PDGFD: variants seen among roughly 807,000 people sequenced by gnomAD.
PDGFD encodes the protein platelet-derived growth factor D.
PDGFD carries 30 observed loss-of-function variants against 44.7 expected under a neutral mutation model. The observed-to-expected ratio is 0.67, with a 90% confidence interval of 0.50 to 0.91. PDGFD has a LOEUF of 0.91. Among genes scored for constraint, PDGFD ranks in the 40% least tolerant of loss-of-function variants. The pLI is 0.00. For synonymous variants in PDGFD, 173 were observed against 168.4 expected (o/e 1.03, Z -0.21); for missense variants, 445 against 457.8 (o/e 0.97, Z 0.25).
intron 3 of PDGFD, among the ~76,000 whole-genome samples, chr11:103,994,857 C>T (rs1009048230): frequency 5.3e-5 from 8 of 150,352 alleles, no homozygotes; most frequent in Non-Finnish European, 7.4e-5. Context: ...TCTTGTTATG[C>T]ATCATTCTCA....
intron 1 of PDGFD, among the ~76,000 whole-genome samples, chr11:104,027,960 G>A (rs180942283): frequency 2.7e-4 from 41 of 151,796 alleles, no homozygotes; most frequent in Non-Finnish European, 5.0e-4. Context: ...GGAGAACGAG[G>A]CAGGAGGATC....
Position 103,991,939 on chromosome 11 carries a change from C to T in PDGFD, c.510+4126G>A, listed in dbSNP as rs60119343. Among the ~76,000 whole-genome samples, 628 of 152,164 alleles carry T rather than the reference C, an allele frequency of 4.1e-3. 6 individuals carry two copies. Among genetic ancestry groups the T allele is most frequent in the African/African-American group, 0.015 (603 of 41,502 alleles). On this transcript the variant is annotated intron_variant, in intron 3 of 6. Coordinates refer to ENST00000393158, the MANE Select transcript of PDGFD (RefSeq NM_025208.5). ...GTTCAGTTCTCTGTACACCATCTAC[C>T]GGGGGGAGCCTTGTAATTGAATACC...
intron 5 of PDGFD, among the ~76,000 whole-genome samples, chr11:103,931,911 T>G (rs1858405790): frequency 6.6e-6 from 1 of 152,190 alleles, no homozygotes; most frequent in Non-Finnish European, 1.5e-5. Flanking sequence ...TACCACATGG[T>G]GATGGCATGT....
chr11:104,083,577 T>C (rs1159255302), intron 1 of PDGFD, among the ~76,000 whole-genome samples: 3 of 152,194 alleles, frequency 2.0e-5, no homozygotes, highest in Non-Finnish European at 1.5e-5. Flanking sequence ...CTCTATTCTC[T>C]AAACTTTTAA....
intron 1 of PDGFD, among the ~76,000 whole-genome samples, chr11:104,126,889 A>G (rs1591177975): frequency 8.7e-6 from 1 of 115,218 alleles, no homozygotes; most frequent in African/African-American, 3.5e-5. Flanking sequence ...ATACCCTCAG[A>G]GTAAAAAATT....
At chr11:104,087,106 A>G (rs1163899502) in intron 1 of PDGFD, among the ~76,000 whole-genome samples, 1 of 143,274 alleles carries the variant, frequency 7.0e-6, no homozygotes, top group African/African-American at 2.6e-5. Context: ...GCTCCCTGCA[A>G]CCTCTGCCTC....
chr11:103,927,950 T>C (rs1207625135), intron 5 of PDGFD, among the ~76,000 whole-genome samples: 2 of 152,150 alleles, frequency 1.3e-5, no homozygotes, highest in East Asian at 1.9e-4. Flanking sequence ...AATCTCCCCC[T>C]CTCACATTCT....
chr11:104,100,010 T>C (rs1861349113), intron 1 of PDGFD, among the ~76,000 whole-genome samples: 1 of 151,986 alleles, frequency 6.6e-6, no homozygotes, highest in Non-Finnish European at 1.5e-5. Context: ...AGCCAGAAAA[T>C]ACATGTTCAC....
intron 3 of PDGFD, among the ~76,000 whole-genome samples, chr11:103,978,085 C>T (rs1328337396): frequency 6.6e-6 from 1 of 152,064 alleles, no homozygotes; most frequent in African/African-American, 2.4e-5. Context: ...AGTATCATTT[C>T]CATTGCTAAC....
intron 1 of PDGFD, among the ~76,000 whole-genome samples, chr11:104,108,941 T>C (rs1861507314): frequency 6.6e-6 from 1 of 151,302 alleles, no homozygotes; most frequent in African/African-American, 2.4e-5. Flanking sequence ...CTCAGCAAAC[T>C]ATTGCAAGAA....
chr11:104,095,064 TC>T (rs1226683156), intron 1 of PDGFD, among the ~76,000 whole-genome samples: 29 of 152,220 alleles, frequency 1.9e-4, no homozygotes, highest in African/African-American at 6.7e-4. Context: ...TATGGACGTA[TC>T]TTCCCTTCTC....
intron 3 of PDGFD, among the ~76,000 whole-genome samples, chr11:103,960,995 A>G (rs1032521425): frequency 5.3e-5 from 8 of 152,208 alleles, no homozygotes; most frequent in Non-Finnish European, 1.2e-4. Context: ...GGATTTCAAC[A>G]GATGAGTTTA....
At chr11:104,093,072 C>T (rs2134438511) in intron 1 of PDGFD, among the ~76,000 whole-genome samples, 1 of 152,248 alleles carries the variant, frequency 6.6e-6, no homozygotes, top group Non-Finnish European at 1.5e-5. Context: ...TTTGTGGTCC[C>T]CCAGCTCCTG....
At chr11:104,114,633 A>T (rs1358418262) in intron 1 of PDGFD, among the ~76,000 whole-genome samples, 1 of 152,018 alleles carries the variant, frequency 6.6e-6, no homozygotes, top group East Asian at 1.9e-4. Flanking sequence ...GTCCAAAAAT[A>T]ACTTGTTGGG....
intron 1 of PDGFD, among the ~76,000 whole-genome samples, chr11:104,004,394 G>A (rs765448915): frequency 3.3e-5 from 5 of 152,088 alleles, no homozygotes; most frequent in Non-Finnish European, 5.9e-5. Flanking sequence ...TATAACAACT[G>A]TTTACATAGC....
Position 104,164,077 on chromosome 11 carries a change from T to G in PDGFD, c.-150A>C. 2.5e-6 allele frequency: 2 copies of G among 805,392 alleles called. No homozygotes were observed. The highest frequency in any genetic ancestry group is 3.6e-6 in the Non-Finnish European group (2 of 552,622). 49.9% of individuals were successfully genotyped at this position (805,392 alleles called of 1,614,324 possible). A position where few individuals can be genotyped will look rare whatever the true frequency, so the allele number is the denominator to read the frequency against. ...GCTAATCGCCGAGCTCTCCCCAAAC[T>G]TCCTGCATGCTGAACTTTCCGAGCG... On this transcript the variant is annotated 5_prime_UTR_variant, in exon 1 of 7. Transcript: ENST00000393158.
intron 1 of PDGFD, chr11:104,037,645 C>T (rs981047287): frequency 2.2e-5 from 36 of 1,613,966 alleles, no homozygotes; most frequent in African/African-American, 4.0e-5. Context: ...TTGTGCCGAG[C>T]GATGTAACAT....
chr11:104,074,883 G>A (rs1424256228), intron 1 of PDGFD, among the ~76,000 whole-genome samples: 3 of 152,294 alleles, frequency 2.0e-5, no homozygotes, highest in South Asian at 4.2e-4. Context: ...AAAAGTCACC[G>A]TAAAACTAGA....
chr11:104,029,024 T>A (rs1331674329), intron 1 of PDGFD, among the ~76,000 whole-genome samples: 1 of 152,192 alleles, frequency 6.6e-6, no homozygotes, highest in East Asian at 1.9e-4. Context: ...AAATATTTTA[T>A]CAATACATAA....
Sources: gnomAD v4.1 joint callset for allele counts (sites outside exome capture counted in the v4.1 genomes callset) on GRCh38, gnomAD v4.1.1 for gene constraint, MANE v1.5 for transcripts, NCBI Gene and HGNC (gene_info 2026-07-23, HGNC 2026-07-21) for gene names.